The following THRB variants were observed in gnomAD, a reference collection of about 807,000 sequenced individuals.
THRB encodes nuclear receptor subfamily 1 group A member 2.
THRB carries 12 observed loss-of-function variants against 47.8 expected under a neutral mutation model. The ratio of observed to expected loss-of-function variants is 0.25; its 90% CI spans 0.16 to 0.41. THRB has a LOEUF of 0.41. THRB is among the 10% of genes least tolerant of loss of function. THRB has a pLI of 1.00. For synonymous variants in THRB, 218 were observed against 212.2 expected, an observed-to-expected ratio of 1.03 and a Z score of -0.24; for missense variants, 348 against 589.2, an observed-to-expected ratio of 0.59 and a Z score of 4.24.
intron 1 of THRB, among the ~76,000 whole-genome samples, chr3:24,470,958 G>A (rs1259619097): frequency 2.6e-5 from 4 of 152,180 alleles, no homozygotes; most frequent in African/African-American, 9.7e-5. Context: ...AATCTATCAA[G>A]TGTTTGAAGG....
In THRB at chr3:24,384,618, T is replaced by G. The variant is rs535746022; in HGVS notation, c.-260-47247A>C. Among the ~76,000 whole-genome samples, 3 of 152,274 alleles carry G rather than the reference T, an allele frequency of 2.0e-5. No individual in the cohort carries two copies. In the South Asian group the frequency reaches 6.2e-4, roughly 32 times the overall value. On this transcript the variant is annotated intron_variant, in intron 1 of 10. Coordinates refer to ENST00000646209, the MANE Select transcript of THRB (RefSeq NM_001354712.2). ...CACCCTTAGTATAATTTACCATTAG[T>G]TTAATTAGAATGTGCCACTTCTAAT...
At chr3:24,283,121 A>C (rs1257036027) in intron 3 of THRB, among the ~76,000 whole-genome samples, 1 of 151,390 alleles carries the variant, frequency 6.6e-6, no homozygotes, top group East Asian at 1.9e-4. Flanking sequence ...CCGGGCAGAG[A>C]CACAACCAAA....
intron 1 of THRB, among the ~76,000 whole-genome samples, chr3:24,349,320 G>A (rs1401410579): frequency 6.6e-6 from 1 of 151,862 alleles, no homozygotes; most frequent in Non-Finnish European, 1.5e-5. Context: ...AATCTCATAA[G>A]TCTTGGGTTT....
intron 3 of THRB, among the ~76,000 whole-genome samples, chr3:24,277,218 T>C (rs2054013842): frequency 6.6e-6 from 1 of 152,190 alleles, no homozygotes; most frequent in Non-Finnish European, 1.5e-5. Flanking sequence ...CATCTGGCAA[T>C]GTCTGGAGAT....
chr3:24,464,849 TAA>T (rs1251731777), intron 1 of THRB, among the ~76,000 whole-genome samples: 1 of 152,234 alleles, frequency 6.6e-6, no homozygotes, highest in Admixed American at 6.5e-5. Flanking sequence ...TTCTATAAAA[TAA>T]TAGAGACTGT....
intron 1 of THRB, among the ~76,000 whole-genome samples, chr3:24,400,043 C>A (rs911995765): frequency 6.6e-6 from 1 of 152,100 alleles, no homozygotes; most frequent in Non-Finnish European, 1.5e-5. Flanking sequence ...GGTGAAGACA[C>A]CAAATGACGG....
At chr3:24,208,105 A>T (rs1405443192) in intron 4 of THRB, among the ~76,000 whole-genome samples, 1 of 152,188 alleles carries the variant, frequency 6.6e-6, no homozygotes, top group Non-Finnish European at 1.5e-5. Context: ...AATTGCTTCA[A>T]TGAAAATAAA....
chr3:24,329,685 T>C (rs1306424217), intron 2 of THRB, among the ~76,000 whole-genome samples: 1 of 152,228 alleles, frequency 6.6e-6, no homozygotes, highest in Non-Finnish European at 1.5e-5. Flanking sequence ...TGCACAATAA[T>C]TGGCCCAGTT....
At chr3:24,269,390 C>CGTGT (rs1324260759) in intron 3 of THRB, among the ~76,000 whole-genome samples, 33 of 36,130 alleles carry the variant, frequency 9.1e-4, no homozygotes, top group African/African-American at 3.3e-3. Context: ...AGCTCACACG[C>CGTGT]GCGCGCGCGC....
chr3:24,207,588 C>A (rs140808965), intron 4 of THRB, among the ~76,000 whole-genome samples: 6 of 152,138 alleles, frequency 3.9e-5, no homozygotes, highest in Non-Finnish European at 8.8e-5. Flanking sequence ...CATCACATTA[C>A]CCAGCTGCAC....
At chr3:24,365,042 TA>T (rs1386333136) in intron 1 of THRB, among the ~76,000 whole-genome samples, 2 of 152,208 alleles carry the variant, frequency 1.3e-5, no homozygotes, top group Admixed American at 6.5e-5. Flanking sequence ...GTGGATTTTG[TA>T]TACCTTGTAT....
intron 2 of THRB, among the ~76,000 whole-genome samples, chr3:24,314,679 T>A (rs1468824023): frequency 6.6e-6 from 1 of 152,198 alleles, no homozygotes; most frequent in Non-Finnish European, 1.5e-5. Context: ...CAGTCTTTTC[T>A]TCTCCAGATC....
At chr3:24,428,514 T>C (rs1385385726) in intron 1 of THRB, among the ~76,000 whole-genome samples, 1 of 152,030 alleles carries the variant, frequency 6.6e-6, no homozygotes, top group Non-Finnish European at 1.5e-5. Context: ...TTGTTTAAGG[T>C]TCAGTTTCAC....
chr3:24,158,412 AATG>A (rs201568854), intron 5 of THRB, among the ~76,000 whole-genome samples: 329 of 145,190 alleles, frequency 2.3e-3, no homozygotes, highest in African/African-American at 7.8e-3. Context: ...GTTTGAGAAA[AATG>A]ATAACTTTTT....
At chr3:24,255,152 TCATCC>T (rs1483124258) in intron 3 of THRB, among the ~76,000 whole-genome samples, 1 of 152,186 alleles carries the variant, frequency 6.6e-6, no homozygotes, top group Non-Finnish European at 1.5e-5. Flanking sequence ...CTGTAAACAT[TCATCC>T]CATCGGTCCA....
At chr3:24,415,461 A>G (rs755156642) in intron 1 of THRB, among the ~76,000 whole-genome samples, 4 of 151,898 alleles carry the variant, frequency 2.6e-5, no homozygotes, top group Non-Finnish European at 5.9e-5. Context: ...TGACTCTACA[A>G]TAAATTTAGT....
chr3:24,229,056 T>C lies in THRB; in HGVS notation c.-42-55A>G, dbSNP rs3772383. On this transcript the variant is annotated intron_variant, in intron 3 of 10. Transcript: ENST00000646209. ...AGATTATAATCTGCATTTTCCATAATGGTTTTGTTCCAAACAATATCATAT... is the reference window on the plus strand; with the variant it reads ...AGATTATAATCTGCATTTTCCATAACGGTTTTGTTCCAAACAATATCATAT... 1.7e-4 allele frequency: 184 copies of C among 1,105,458 alleles called. 2 individuals are homozygous for C. The East Asian group carries it at 4.0e-3, about 24-fold the overall frequency. 68.5% of individuals were successfully genotyped at this position (1,105,458 alleles called of 1,614,324 possible).
chr3:24,134,580 C>T (rs988389399), intron 8 of THRB, among the ~76,000 whole-genome samples: 3 of 151,790 alleles, frequency 2.0e-5, no homozygotes, highest in Non-Finnish European at 4.4e-5. Context: ...CCTGACTCCA[C>T]ACAGCAGTCT....
rs557565222 is a variant in THRB, at chr3:24,179,073, G to A, written c.283+11001C>T. 7.9e-5 allele frequency among the ~76,000 whole-genome samples: 12 copies of A among 152,256 alleles called. No individual in the cohort carries two copies. The East Asian group carries it at 2.1e-3, about 27-fold the overall frequency. The stretch of plus-strand genomic sequence containing the variant: ...ATGATCCTGGCCTGGATCCCAGACC[G>A]GAAAATAAGATTGGTATAGAGGACA... On this transcript the variant is annotated intron_variant, in intron 5 of 10. Transcript: ENST00000646209.
Sources: allele counts gnomAD v4.1 joint callset (sites outside exome capture counted in the v4.1 genomes callset), GRCh38; gene constraint gnomAD v4.1.1; transcripts MANE v1.5; gene names NCBI Gene and HGNC (gene_info 2026-07-23, HGNC 2026-07-21).